Variants in ARHGEF1 observed in about 807,000 individuals in gnomAD.
ARHGEF1 encodes the protein 115 kDa guanine nucleotide exchange factor.
In ARHGEF1, 40 loss-of-function variants were observed where a neutral mutation model predicts 119.7. The observed-to-expected ratio is 0.33, with a 90% confidence interval of 0.26 to 0.44. ARHGEF1 has a LOEUF of 0.44. Ranked by LOEUF, ARHGEF1 falls within the 20% of genes least tolerant of loss-of-function variation. The probability of loss-of-function intolerance (pLI) is 1.00; values close to 1 mark genes in which losing one functional copy is unlikely to be tolerated. For synonymous variants in ARHGEF1, 494 were observed against 521.0 expected (o/e 0.95, Z 0.71); for missense variants, 976 against 1,268.3 (o/e 0.77, Z 3.50).
chr19:41,907,991 AC>A (rs1257178894), downstream of ARHGEF1: 13 of 397,590 alleles, frequency 3.3e-5, no homozygotes, highest in Non-Finnish European at 4.8e-5. Context: ...CCAGGCGGGG[AC>A]CCCCCTCAAA....
At chr19:41,908,358 C>T (rs1416180132), downstream of ARHGEF1, 2 of 1,231,322 alleles carry the variant, frequency 1.6e-6, no homozygotes, top group East Asian at 6.3e-5. This position sits in a 1 kb window ranked among gnomAD's most constrained non-coding sequence, Gnocchi z 6.7. Flanking sequence ...CTCCTTCCCA[C>T]CAAGGGCAGC....
Position 41,916,637 on chromosome 19 carries a change from C to A in ARHGEF1, c.1866-6455C>A, listed in dbSNP as rs1430309551. On this transcript the variant is annotated intron_variant, in intron 18 of 20. Transcript: ENST00000599589. This position sits in a 1 kb window ranked among gnomAD's most constrained non-coding sequence, Gnocchi z 5.4. ...ACACAATCGCACACTGAGACAACAG[C>A]ACACAGAAACAGACACACAGTCACA... Among the ~76,000 whole-genome samples, 3 of 152,074 alleles carry A rather than the reference C, an allele frequency of 2.0e-5. No individual in the cohort carries two copies. Among genetic ancestry groups the A allele is most frequent in the African/African-American group, 7.2e-5 (3 of 41,384 alleles).
At chr19:41,918,009 C>G (rs540681591) in intron 18 of ARHGEF1, among the ~76,000 whole-genome samples, 2 of 152,036 alleles carry the variant, frequency 1.3e-5, no homozygotes, top group Non-Finnish European at 2.9e-5. Flanking sequence ...GGCCGGCCCT[C>G]GACAGGCACC....
In ARHGEF1 at chr19:41,906,674, C is replaced by T; in HGVS notation, c.2656-29C>T. The T allele has an allele frequency of 6.3e-7, 1 of 1,599,566 alleles. No individual in the cohort carries two copies. The highest frequency in any genetic ancestry group is 8.5e-7 in the Non-Finnish European group (1 of 1,175,152). ...GAGTGGGCTGGGGAAGGAAGGGGCCCCCCTCATCCATGACCCCCACCCCAC... is the reference window on the plus strand; with the variant it reads ...GAGTGGGCTGGGGAAGGAAGGGGCCTCCCTCATCCATGACCCCCACCCCAC... On this transcript the variant is annotated intron_variant, in intron 27 of 28. Coordinates refer to ENST00000354532, the MANE Select transcript of ARHGEF1 (RefSeq NM_004706.4). This position sits in a 1 kb window ranked among gnomAD's most constrained non-coding sequence, Gnocchi z 4.5.
Position 41,888,443 on chromosome 19 carries a change from A to G in ARHGEF1, c.111+165A>G, listed in dbSNP as rs2074327828. Among the ~76,000 whole-genome samples the G allele has an allele frequency of 6.6e-6, 1 of 151,980 alleles. No individual in the cohort carries two copies. The highest frequency in any genetic ancestry group is 1.5e-5 in the Non-Finnish European group (1 of 67,976). On this transcript the variant is annotated intron_variant, in intron 3 of 28. Transcript: ENST00000354532. This position sits in a 1 kb window ranked among gnomAD's most constrained non-coding sequence, Gnocchi z 5.1. ...CACCTCGCCGACCCCACACAGCAGCATAGACGCCCACCCTTCTTACTCTTA... is the reference window on the plus strand; with the variant it reads ...CACCTCGCCGACCCCACACAGCAGCGTAGACGCCCACCCTTCTTACTCTTA...
chr19:41,904,937 C>T lies in ARHGEF1; in HGVS notation c.2162-12C>T, dbSNP rs782390197. 12 of 1,611,948 alleles carry T rather than the reference C, an allele frequency of 7.4e-6. No homozygotes were observed. Among genetic ancestry groups the T allele is most frequent in the East Asian group, 4.5e-5 (2 of 44,870 alleles). On this transcript the variant is annotated splice_polypyrimidine_tract_variant and intron_variant, in intron 22 of 28. Coordinates refer to ENST00000354532, the MANE Select transcript of ARHGEF1 (RefSeq NM_004706.4). The surrounding 1 kb of genome is among the most constrained non-coding windows in gnomAD (Gnocchi z 8.4). ...CCTGGGCTCTGAGCCCCATCTCCCC[C>T]TCTCCCTGCAGATCACAAAGCCTTC...
At chr19:41,914,682 CATCTCT>C (rs1170272311) in intron 18 of ARHGEF1, among the ~76,000 whole-genome samples, 2 of 24,568 alleles carry the variant, frequency 8.1e-5, no homozygotes, top group Admixed American at 4.0e-4. Flanking sequence ...CCCCTTCCAC[CATCTCT>C]GTCTCTCCCT....
At chr19:41,913,179 G>A (rs1338198925) in intron 18 of ARHGEF1, among the ~76,000 whole-genome samples, 1 of 151,422 alleles carries the variant, frequency 6.6e-6, no homozygotes, top group East Asian at 1.9e-4. Context: ...CTCACTCGGT[G>A]CCTCCATCAC....
intron 1 of ARHGEF1, among the ~76,000 whole-genome samples, chr19:41,884,792 C>T (rs1555844991): frequency 1.3e-5 from 2 of 152,202 alleles, no homozygotes; most frequent in Non-Finnish European, 2.9e-5. Context: ...TCGGGACCCA[C>T]CACGCACCCC....
chr19:41,929,016 C>T (rs1265632093), intron 2 of ARHGEF1: 1 of 417,678 alleles, frequency 2.4e-6, no homozygotes, highest in South Asian at 1.7e-5. Context: ...CACTCAGGGA[C>T]ACACAACCCT....
In ARHGEF1 at chr19:41,883,644, T is replaced by C. The variant is rs1370223262; in HGVS notation, c.-20+355T>C. On this transcript the variant is annotated intron_variant, in intron 1 of 28. Transcript: ENST00000354532. The surrounding 1 kb of genome is among the most constrained non-coding windows in gnomAD (Gnocchi z 7.6). ...AGGGAACGCACATCGTGAGAAAGTG[T>C]GGAGTTGGGATTTGAACTCGCACGT... Among the ~76,000 whole-genome samples the C allele has an allele frequency of 1.3e-5, 2 of 152,016 alleles. No individual in the cohort carries two copies. Among genetic ancestry groups the C allele is most frequent in the Non-Finnish European group, 2.9e-5 (2 of 68,002 alleles).
At chr19:41,922,211 C>A (rs1394864983), upstream of ARHGEF1, among the ~76,000 whole-genome samples, 1 of 152,088 alleles carries the variant, frequency 6.6e-6, no homozygotes, top group African/African-American at 2.4e-5. Context: ...GGCATCCCGA[C>A]AGAGCCCGGG....
chr19:41,902,918 C>T lies in ARHGEF1; in HGVS notation c.1738+20C>T. On this transcript the variant is annotated intron_variant, in intron 18 of 28. Coordinates refer to ENST00000354532, the MANE Select transcript of ARHGEF1 (RefSeq NM_004706.4). This position sits in a 1 kb window ranked among gnomAD's most constrained non-coding sequence, Gnocchi z 6.5. Reference sequence around the variant, plus strand: ...ACACAGGTACCGCGGGCCTGGATCTCTGGGCCTCGGCTCTCCTCTTTTTTT... The same window carrying T: ...ACACAGGTACCGCGGGCCTGGATCTTTGGGCCTCGGCTCTCCTCTTTTTTT... 1.3e-6 allele frequency: 2 copies of T among 1,548,916 alleles called. 1 individual carries two copies. The highest frequency in any genetic ancestry group is 4.5e-5 in the East Asian group (2 of 44,184).
rs891167 is a variant in ARHGEF1 at position 41,883,736 on chromosome 19, A to G, written c.-20+447A>G. The stretch of plus-strand genomic sequence containing the variant: ...GGGCCACCTAAAAATGAAAAACAAC[A>G]ATAACAACAACGACGAGGGTCGCTG... On this transcript the variant is annotated intron_variant, in intron 1 of 28. Transcript: ENST00000354532. The surrounding 1 kb of genome is among the most constrained non-coding windows in gnomAD (Gnocchi z 7.6). 0.47 allele frequency among the ~76,000 whole-genome samples: 71,680 copies of G among 152,106 alleles called. 19,025 individuals carry two copies. Among genetic ancestry groups the G allele is most frequent in the Middle Eastern group, 0.72 (212 of 294 alleles).
intron 1 of ARHGEF1, among the ~76,000 whole-genome samples, chr19:41,924,810 C>T (rs1240809418): frequency 2.0e-5 from 3 of 152,038 alleles, no homozygotes; most frequent in Admixed American, 6.5e-5. Context: ...GTCAGAGACA[C>T]GTGCTAGGAA....
At chr19:41,907,524 C>T, downstream of ARHGEF1, 1 of 948,154 alleles carries the variant, frequency 1.1e-6, no homozygotes, top group Non-Finnish European at 1.5e-6. Flanking sequence ...CTGGCGTTGA[C>T]ATCCTGGGTC....
chr19:41,922,683 G>GCTGGGTGC (rs1287944829), upstream of ARHGEF1, among the ~76,000 whole-genome samples: 4 of 152,072 alleles, frequency 2.6e-5, no homozygotes, highest in African/African-American at 9.7e-5. Context: ...TGAGGCTGGA[G>GCTGGGTGC]CTGGGTGCCG....
In ARHGEF1 at chr19:41,902,576, G is replaced by A; in HGVS notation, c.1541G>A (p.Arg514His). ...EGSWFQKISS[R>H]FCSRQSFALE... ...TCCTGGTTCCAGAAAATCTCCTCCCGCTTCTGCAGCCGCCAGTCATTTGCC... is the reference window on the plus strand; with the variant it reads ...TCCTGGTTCCAGAAAATCTCCTCCCACTTCTGCAGCCGCCAGTCATTTGCC... Residue 514 changes from arginine (R) to histidine (H), a missense_variant, in exon 17 of 29, where the codon CGC (arginine) becomes CAC (histidine). Arg to His is a conservative substitution (Grantham distance 29). Around this residue, in one of 3 missense-constraint regions of ARHGEF1, gnomAD observed 286 missense variants for 506.8 expected, o/e 0.56. Transcript: ENST00000354532. This position sits in a 1 kb window ranked among gnomAD's most constrained non-coding sequence, Gnocchi z 6.5. The A allele has an allele frequency of 4.3e-6, 7 of 1,614,138 alleles. No individual in the cohort carries two copies. The highest frequency in any genetic ancestry group is 5.1e-6 in the Non-Finnish European group (6 of 1,180,032).
chr19:41,892,449 C>G lies in ARHGEF1; in HGVS notation c.367+76C>G. The G allele has an allele frequency of 6.2e-7, 1 of 1,604,938 alleles. No homozygotes were observed. The highest frequency in any genetic ancestry group is 2.2e-5 in the East Asian group (1 of 44,812). Reference sequence around the variant, plus strand: ...CCCAGGAGGCCAAGGGGAGGGAGGCCGCACTCCCATGCTCTGCTCGGACAG... The same window carrying G: ...CCCAGGAGGCCAAGGGGAGGGAGGCGGCACTCCCATGCTCTGCTCGGACAG... On this transcript the variant is annotated intron_variant, in intron 6 of 28. Transcript: ENST00000354532. The surrounding 1 kb of genome is among the most constrained non-coding windows in gnomAD (Gnocchi z 6.3).
Sources: allele counts gnomAD v4.1 joint callset (sites outside exome capture counted in the v4.1 genomes callset), GRCh38; gene constraint gnomAD v4.1.1; regional missense constraint gnomAD v4.1.1; non-coding constraint Gnocchi (gnomAD v3.1); transcripts MANE v1.5; gene names NCBI Gene and HGNC (gene_info 2026-07-23, HGNC 2026-07-21).